IFT56: variants seen among roughly 807,000 people sequenced by gnomAD.
The protein encoded by IFT56 is intraflagellar transport protein 56.
chr7:139,166,474 A>G, the IFT56 span, among the ~76,000 whole-genome samples: 2 of 151,966 alleles, frequency 1.3e-5, no homozygotes, highest in Non-Finnish European at 2.9e-5. Context: ...GAAATGTTTT[A>G]AAGCAAATCT....
At chr7:139,147,708 T>A in the IFT56 span, among the ~76,000 whole-genome samples, 1 of 152,244 alleles carries the variant, frequency 6.6e-6, no homozygotes, top group Non-Finnish European at 1.5e-5. Flanking sequence ...AAACTTAGTG[T>A]TATAGTTACA....
the IFT56 span, among the ~76,000 whole-genome samples, chr7:139,137,362 T>A: frequency 1.3e-5 from 2 of 152,184 alleles, no homozygotes; most frequent in Admixed American, 1.3e-4. Context: ...TTACAACCTA[T>A]TAGTAAATAT....
chr7:139,172,894 T>C, the IFT56 span: 11 of 704,054 alleles, frequency 1.6e-5, no homozygotes, highest in African/African-American at 3.5e-5. Flanking sequence ...CAATCTGCTA[T>C]GCACGGGTGT....
the IFT56 span, chr7:139,181,296 T>C: frequency 1.1e-6 from 1 of 875,614 alleles, no homozygotes; most frequent in Admixed American, 2.3e-5. Flanking sequence ...ACTAAATGGC[T>C]AGTAGTGAGA....
At chr7:139,145,525 A>C in the IFT56 span, among the ~76,000 whole-genome samples, 5 of 152,024 alleles carry the variant, frequency 3.3e-5, no homozygotes, top group African/African-American at 1.2e-4. Flanking sequence ...CCCAGGCTTG[A>C]GCAATCCTTG....
the IFT56 span, among the ~76,000 whole-genome samples, chr7:139,179,829 G>A: frequency 2.0e-5 from 3 of 152,164 alleles, no homozygotes; most frequent in African/African-American, 7.2e-5. Flanking sequence ...AATGTGTCAT[G>A]CAAGTTTACC....
At chr7:139,140,965 TA>T in the IFT56 span, among the ~76,000 whole-genome samples, 4 of 142,368 alleles carry the variant, frequency 2.8e-5, no homozygotes, top group Admixed American at 6.9e-5. Context: ...TTTTTTTTTT[TA>T]AAAGACAGGG....
the IFT56 span, among the ~76,000 whole-genome samples, chr7:139,159,589 G>A: frequency 6.6e-6 from 1 of 151,964 alleles, no homozygotes; most frequent in Non-Finnish European, 1.5e-5. Context: ...TTTTGTCCTT[G>A]TCACCTGGCA....
chr7:139,180,104 A>G, the IFT56 span, among the ~76,000 whole-genome samples: 2 of 149,564 alleles, frequency 1.3e-5, no homozygotes, highest in Admixed American at 6.6e-5. Context: ...TTGGGAGGCC[A>G]AGGCGGGTGG....
chr7:139,134,568 T>A, the IFT56 span: 1 of 1,446,476 alleles, frequency 6.9e-7, no homozygotes, highest in Non-Finnish European at 9.2e-7. Context: ...GTGCCCGGCC[T>A]TGACTTATAA....
chr7:139,135,760 A>C, the IFT56 span, among the ~76,000 whole-genome samples: 1 of 152,154 alleles, frequency 6.6e-6, no homozygotes, highest in Non-Finnish European at 1.5e-5. Context: ...GTTGCACCAA[A>C]GAATGAAGAG....
the IFT56 span, chr7:139,166,887 A>C: frequency 1.3e-6 from 2 of 1,582,094 alleles, no homozygotes; most frequent in Non-Finnish European, 1.7e-6. Flanking sequence ...GGAACCTACT[A>C]CTCCTCAGGT....
chr7:139,139,064 G>A, the IFT56 span, among the ~76,000 whole-genome samples: 3 of 151,974 alleles, frequency 2.0e-5, no homozygotes, highest in Admixed American at 1.3e-4. Context: ...CGCCCGCCTC[G>A]GCCTCCCAAA....
the IFT56 span, among the ~76,000 whole-genome samples, chr7:139,140,920 C>T: frequency 6.7e-6 from 1 of 149,220 alleles, no homozygotes; most frequent in Non-Finnish European, 1.5e-5. Flanking sequence ...GAATTTCAGC[C>T]CAAATTCATG....
At chr7:139,169,516 C>T in the IFT56 span, among the ~76,000 whole-genome samples, 8 of 152,174 alleles carry the variant, frequency 5.3e-5, no homozygotes, top group Non-Finnish European at 1.2e-4. Context: ...TTCTCAACAT[C>T]TCAGCGAAAG....
the IFT56 span, chr7:139,173,640 TC>T: frequency 2.7e-5 from 21 of 784,046 alleles, no homozygotes; most frequent in Non-Finnish European, 4.0e-5. Flanking sequence ...AGGTCAACAT[TC>T]TTTTCTTCTG....
the IFT56 span, among the ~76,000 whole-genome samples, chr7:139,182,316 C>CA: frequency 0.021 from 3,169 of 151,274 alleles, 90 homozygotes; most frequent in African/African-American, 0.07. Flanking sequence ...GAATCGTTAC[C>CA]AAAAAAAGAG....
the IFT56 span, among the ~76,000 whole-genome samples, chr7:139,154,515 T>G: frequency 6.6e-6 from 1 of 152,174 alleles, no homozygotes; most frequent in Non-Finnish European, 1.5e-5. Context: ...CATTTGTAAA[T>G]GGCATGAGGT....
At chr7:139,173,146 C>G in the IFT56 span, 10 of 660,700 alleles carry the variant, frequency 1.5e-5, no homozygotes, top group Non-Finnish European at 2.2e-5. Flanking sequence ...CAAAGGCAGG[C>G]TGGGAGAGAG....
Sources: gnomAD v4.1 joint callset for allele counts (sites outside exome capture counted in the v4.1 genomes callset) on GRCh38, gnomAD v4.1.1 for gene constraint, MANE v1.5 for transcripts, NCBI Gene and HGNC (gene_info 2026-07-23, HGNC 2026-07-21) for gene names.